Variants in GULP1 observed in about 807,000 individuals in gnomAD.
GULP1 encodes the protein GULP PTB domain containing engulfment adaptor 1, also known as PTB domain-containing engulfment adapter protein 1.
In GULP1, 19 loss-of-function variants were observed where a neutral mutation model predicts 40.9. The ratio of observed to expected loss-of-function variants is 0.46; its 90% CI spans 0.32 to 0.68. The LOEUF (loss-of-function observed/expected upper bound fraction) is 0.68. GULP1 is among the 30% of genes least tolerant of loss of function. GULP1 has a pLI of 0.03. For missense variants in GULP1, 312 were observed against 362.2 expected, an observed-to-expected ratio of 0.86 and a Z score of 1.12; for synonymous variants, 119 against 117.6, an observed-to-expected ratio of 1.01 and a Z score of -0.08.
At chr2:188,549,397 G>A (rs1421755465) in intron 7 of GULP1, among the ~76,000 whole-genome samples, 1 of 151,780 alleles carries the variant, frequency 6.6e-6, no homozygotes, top group East Asian at 1.9e-4. Flanking sequence ...CACGTGAAAA[G>A]ATGTCAAACA....
intron 2 of GULP1, among the ~76,000 whole-genome samples, chr2:188,443,312 A>G (rs750275920): frequency 3.5e-4 from 53 of 152,106 alleles, no homozygotes; most frequent in Non-Finnish European, 7.5e-4. Flanking sequence ...TGCCCCTATT[A>G]TGTTGTAGCT....
At chr2:188,513,927 G>C (rs2064884044) in intron 4 of GULP1, among the ~76,000 whole-genome samples, 2 of 152,006 alleles carry the variant, frequency 1.3e-5, no homozygotes, top group Admixed American at 6.6e-5. Flanking sequence ...GTCTGTGTGG[G>C]GTTTTCAGGT....
intron 1 of GULP1, among the ~76,000 whole-genome samples, chr2:188,330,937 A>T (rs1484462644): frequency 1.3e-5 from 2 of 152,166 alleles, no homozygotes; most frequent in Non-Finnish European, 2.9e-5. Context: ...TGTTAGTGCT[A>T]CTAAGAAGAT....
At chr2:188,385,954 G>A (rs1295248193) in intron 2 of GULP1, among the ~76,000 whole-genome samples, 6 of 152,112 alleles carry the variant, frequency 3.9e-5, no homozygotes, top group African/African-American at 1.2e-4. Context: ...ATTCTCCTGT[G>A]TTCTTCTGAG....
At chr2:188,462,782 A>T (rs1175309610) in intron 2 of GULP1, among the ~76,000 whole-genome samples, 1 of 151,758 alleles carries the variant, frequency 6.6e-6, no homozygotes, top group Non-Finnish European at 1.5e-5. Context: ...TTCATTATAT[A>T]TTTTTTTGCT....
intron 6 of GULP1, among the ~76,000 whole-genome samples, chr2:188,540,888 A>G (rs1253520522): frequency 6.6e-6 from 1 of 152,032 alleles, no homozygotes; most frequent in Non-Finnish European, 1.5e-5. Context: ...AAAGTATATG[A>G]TTTCTCAAGA....
At chr2:188,348,827 C>T (rs1485864261) in intron 1 of GULP1, among the ~76,000 whole-genome samples, 4 of 152,074 alleles carry the variant, frequency 2.6e-5, no homozygotes, top group South Asian at 2.1e-4. Flanking sequence ...AGTCCCCCTC[C>T]GATATCGAAG....
At chr2:188,480,580 T>C (rs1575518096) in intron 3 of GULP1, among the ~76,000 whole-genome samples, 1 of 152,114 alleles carries the variant, frequency 6.6e-6, no homozygotes, top group East Asian at 1.9e-4. Context: ...GTGCTGAATA[T>C]ATTACAGTCA....
At chr2:188,463,091 A>G (rs6709557) in intron 2 of GULP1, among the ~76,000 whole-genome samples, 19,201 of 152,088 alleles carry the variant, frequency 0.13, 2,940 homozygotes, top group African/African-American at 0.37. Flanking sequence ...GTTTTTCTGT[A>G]TTCTCACTAT....
intron 9 of GULP1, among the ~76,000 whole-genome samples, chr2:188,574,248 A>AT (rs1699722263): frequency 1.3e-5 from 2 of 152,170 alleles, no homozygotes; most frequent in African/African-American, 4.8e-5. Context: ...GTAAATCACT[A>AT]TTATAGATAT....
At chr2:188,587,644 T>C (rs552050754) in intron 10 of GULP1, among the ~76,000 whole-genome samples, 1 of 152,296 alleles carries the variant, frequency 6.6e-6, no homozygotes, top group African/African-American at 2.4e-5. Context: ...TTCTTTATAA[T>C]AAAACTTTTT....
intron 2 of GULP1, among the ~76,000 whole-genome samples, chr2:188,390,728 T>C (rs931357498): frequency 2.3e-4 from 35 of 152,262 alleles, no homozygotes; most frequent in Middle Eastern, 3.4e-3. Context: ...GGTTATCTTC[T>C]AGGTTTTTTA....
chr2:188,352,745 A>G (rs1203472776), intron 1 of GULP1, among the ~76,000 whole-genome samples: 2 of 152,088 alleles, frequency 1.3e-5, no homozygotes, highest in Non-Finnish European at 2.9e-5. Context: ...TTCAATTTGA[A>G]TACATATCTT....
At chr2:188,323,523 T>C (rs1292736571) in intron 1 of GULP1, among the ~76,000 whole-genome samples, 1 of 152,032 alleles carries the variant, frequency 6.6e-6, no homozygotes, top group African/African-American at 2.4e-5. Flanking sequence ...TTAAACAATA[T>C]CCTGAAGAAT....
intron 1 of GULP1, among the ~76,000 whole-genome samples, chr2:188,306,506 G>C (rs776447544): frequency 4.6e-5 from 7 of 152,164 alleles, no homozygotes; most frequent in Non-Finnish European, 8.8e-5. Flanking sequence ...CATTCTAGTT[G>C]TGAGGGAAGA....
Position 188,481,222 on chromosome 2 carries a change from C to T in GULP1, c.29-2209C>T, listed in dbSNP as rs567130440. On this transcript the variant is annotated intron_variant, in intron 3 of 11. Coordinates refer to ENST00000409830, the MANE Select transcript of GULP1 (RefSeq NM_016315.4). ...TAGAATGTCTATATTCCCATTTCTGCACATTTTCATATATCTAATACCTTC... is the reference window on the plus strand; with the variant it reads ...TAGAATGTCTATATTCCCATTTCTGTACATTTTCATATATCTAATACCTTC... Among the ~76,000 whole-genome samples the T allele has an allele frequency of 5.3e-5, 8 of 152,068 alleles. No individual in the cohort carries two copies. In the South Asian group the frequency reaches 1.7e-3, roughly 32 times the overall value.
At chr2:188,326,197 A>G (rs759903476) in intron 1 of GULP1, among the ~76,000 whole-genome samples, 2 of 152,194 alleles carry the variant, frequency 1.3e-5, no homozygotes, top group Middle Eastern at 3.4e-3. Context: ...TATATTTTAC[A>G]TTATGCATAT....
chr2:188,480,269 A>C (rs1362805327), intron 3 of GULP1, among the ~76,000 whole-genome samples: 2 of 152,048 alleles, frequency 1.3e-5, no homozygotes. Context: ...CACGTTTCCA[A>C]AACTACCATC....
intron 1 of GULP1, among the ~76,000 whole-genome samples, chr2:188,339,969 A>C (rs932844461): frequency 6.6e-6 from 1 of 152,188 alleles, no homozygotes; most frequent in African/African-American, 2.4e-5. Flanking sequence ...GTTGAGTATT[A>C]ATTAAAAAGG....
Sources: allele counts gnomAD v4.1 joint callset (sites outside exome capture counted in the v4.1 genomes callset), GRCh38; gene constraint gnomAD v4.1.1; transcripts MANE v1.5; gene names NCBI Gene and HGNC (gene_info 2026-07-23, HGNC 2026-07-21).